ZNF254: variants seen among roughly 807,000 people sequenced by gnomAD.
ZNF254 encodes CTD-2017D11.1.
Under a neutral mutation model 12.4 loss-of-function variants are expected in ZNF254, and 10 were observed. That is an observed-to-expected ratio of 0.80 (90% CI 0.50 to 1.36). ZNF254 has a LOEUF of 1.36. ZNF254 is among the 40% of genes most tolerant of loss of function. ZNF254 has a pLI of 0.00. For missense variants in ZNF254, 996 were observed against 763.9 expected (o/e 1.30, Z -3.58); for synonymous variants, 305 against 253.4 (o/e 1.20, Z -1.93).
chr19:24,109,480 GT>G (rs1454217734), intron 3 of ZNF254, among the ~76,000 whole-genome samples: 9 of 151,928 alleles, frequency 5.9e-5, no homozygotes, highest in Non-Finnish European at 1.0e-4. Flanking sequence ...CTTAATATCA[GT>G]TTATTGTGTC....
At chr19:24,062,328 A>G (rs1440114560) in intron 2 of ZNF254, among the ~76,000 whole-genome samples, 1 of 152,154 alleles carries the variant, frequency 6.6e-6, no homozygotes, top group Non-Finnish European at 1.5e-5. Context: ...TGAGGTCATA[A>G]TTCTCATGGA....
In ZNF254 at chr19:24,037,550, T is replaced by C. The variant is rs1970011790; in HGVS notation, c.-190+3929T>C. 2.0e-5 allele frequency among the ~76,000 whole-genome samples: 3 copies of C among 152,152 alleles called. No homozygotes were observed. In the South Asian group the frequency reaches 6.2e-4, roughly 31 times the overall value. ...CTGGGCTCAAGCAGTTCTCCTGCCT[T>C]ATCCTCCCAAGTAGCTGAGATAACA... On this transcript the variant is annotated intron_variant, in intron 1 of 4. Coordinates refer to the ZNF254 transcript ENST00000613065.
At chr19:24,109,359 AC>A (rs1973525935) in intron 3 of ZNF254, among the ~76,000 whole-genome samples, 1 of 152,184 alleles carries the variant, frequency 6.6e-6, no homozygotes, top group Non-Finnish European at 1.5e-5. Flanking sequence ...AGTTATCTAG[AC>A]AAATTGTTTG....
At chr19:24,088,432 G>T (rs1196300914) in intron 1 of ZNF254, among the ~76,000 whole-genome samples, 1 of 151,768 alleles carries the variant, frequency 6.6e-6, no homozygotes, top group Non-Finnish European at 1.5e-5. Context: ...CTCCACAGGG[G>T]ACTGCTTTTT....
At chr19:24,071,733 G>T (rs1024063320) in intron 2 of ZNF254, among the ~76,000 whole-genome samples, 7 of 152,120 alleles carry the variant, frequency 4.6e-5, no homozygotes, top group Admixed American at 4.6e-4. Context: ...CTCTGCCCAA[G>T]GAGGGATTGT....
rs1974985951 is a variant in ZNF254 at position 24,127,651 on chromosome 19, T to C, written c.1651T>C (p.Cys551Arg). The C allele has an allele frequency of 6.2e-7, 1 of 1,613,508 alleles. No individual in the cohort carries two copies. Among genetic ancestry groups the C allele is most frequent in the South Asian group, 1.1e-5 (1 of 91,060 alleles). The change falls in exon 4 of 4, where the codon TGT becomes CGT. Residue 551 changes from cysteine to arginine, a missense_variant. Physicochemically the swap from Cys to Arg is radical, Grantham distance 180 (BLOSUM62 -3). Coordinates refer to ENST00000357002, the MANE Select transcript of ZNF254 (RefSeq NM_203282.4). ...AGAGAAACCCTACAAATGTGAAAAA[T>C]GTGGCAAAGCCTTTAAGCAGTCTTC... ...TEEKPYKCEK[C>R]GKAFKQSSIL...
chr19:24,112,885 A>C (rs1599736012), intron 3 of ZNF254, among the ~76,000 whole-genome samples: 2 of 152,360 alleles, frequency 1.3e-5, no homozygotes, highest in East Asian at 3.9e-4. Context: ...AAGTACCATC[A>C]GAGAATACTA....
chr19:24,090,573 A>T (rs1972312944), intron 1 of ZNF254, among the ~76,000 whole-genome samples: 1 of 152,078 alleles, frequency 6.6e-6, no homozygotes, highest in South Asian at 2.1e-4. Context: ...AGTAGCTGGG[A>T]CTACAGGTGT....
chr19:24,052,619 ACT>A (rs760003372), intron 2 of ZNF254, among the ~76,000 whole-genome samples: 18 of 152,148 alleles, frequency 1.2e-4, no homozygotes, highest in Non-Finnish European at 1.8e-4. Flanking sequence ...AGGTGATGTG[ACT>A]CTGCTGACTA....
chr19:24,094,475 G>T (rs1454743990), intron 1 of ZNF254, among the ~76,000 whole-genome samples: 1 of 152,018 alleles, frequency 6.6e-6, no homozygotes, highest in Non-Finnish European at 1.5e-5. Flanking sequence ...TGGCCAGGCT[G>T]GTCTCGAACT....
chr19:24,064,198 A>G (rs919669187), intron 2 of ZNF254, among the ~76,000 whole-genome samples: 5 of 152,038 alleles, frequency 3.3e-5, no homozygotes, highest in Non-Finnish European at 1.5e-5. Context: ...ACTCTTTCTC[A>G]TTCTTGGCCT....
At chr19:24,062,724 A>G (rs1308026731) in intron 2 of ZNF254, among the ~76,000 whole-genome samples, 2 of 152,112 alleles carry the variant, frequency 1.3e-5, no homozygotes, top group South Asian at 2.1e-4. Context: ...TCATTTGTGG[A>G]TTTTTGTCCA....
At chr19:24,038,057 T>A (rs1299078952) in intron 1 of ZNF254, among the ~76,000 whole-genome samples, 1 of 152,232 alleles carries the variant, frequency 6.6e-6, no homozygotes, top group East Asian at 1.9e-4. Context: ...AGAAAACTTT[T>A]ATATAATTCT....
intron 2 of ZNF254, chr19:24,065,707 T>G (rs1971245884): frequency 6.6e-6 from 1 of 152,216 alleles, no homozygotes. Flanking sequence ...TCCCTTTTTT[T>G]GTGGGAGGGA....
intron 2 of ZNF254, among the ~76,000 whole-genome samples, chr19:24,052,631 A>G (rs68139049): frequency 0.15 from 22,591 of 152,092 alleles, 1,939 homozygotes; most frequent in Middle Eastern, 0.23. Flanking sequence ...TCTGCTGACT[A>G]TATTCTGCTT....
Position 24,043,141 on chromosome 19 carries a change from A to G in ZNF254, c.-189-3043A>G, listed in dbSNP as rs150817767. On this transcript the variant is annotated intron_variant, in intron 1 of 4. Transcript: ENST00000613065. ...GTTTTGTAGGTTTTTATTTTATTTCATCTTTATTTTACAAGCATACATTTC... is the reference window on the plus strand; with the variant it reads ...GTTTTGTAGGTTTTTATTTTATTTCGTCTTTATTTTACAAGCATACATTTC... Among the ~76,000 whole-genome samples the G allele has an allele frequency of 2.9e-3, 447 of 152,146 alleles. 1 individual carries two copies. The highest frequency in any genetic ancestry group is 0.01 in the African/African-American group (432 of 41,512).
chr19:24,056,068 AT>A (rs1207870993), intron 2 of ZNF254, among the ~76,000 whole-genome samples: 1 of 152,096 alleles, frequency 6.6e-6, no homozygotes, highest in East Asian at 1.9e-4. Flanking sequence ...AGGGGATGTG[AT>A]TCTATTTTTC....
Position 24,087,346 on chromosome 19 carries a change from G to T in ZNF254, c.30+9G>T. 6.2e-7 allele frequency: 1 copy of T among 1,613,500 alleles called. No individual in the cohort carries two copies. The highest frequency in any genetic ancestry group is 1.1e-5 in the South Asian group (1 of 91,076). ...CTAGAAGCCTAGAAATGGTGAGAAT[G>T]CCAGTCCGACATCCCGAGAGAGGGG... On this transcript the variant is annotated intron_variant, in intron 1 of 3. Transcript: ENST00000357002.
chr19:24,107,023 TGA>T lies in ZNF254; in HGVS notation c.253+384_253+385del. The T allele has an allele frequency of 8.7e-6, 4 of 460,292 alleles. 1 individual carries two copies. Among genetic ancestry groups the T allele is most frequent in the Non-Finnish European group, 1.1e-5 (3 of 263,712 alleles). 28.5% of individuals were successfully genotyped at this position (460,292 alleles called of 1,614,324 possible). ...CTTTTTGCATCATGTCTGAAATGTG[TGA>T]GAGTAGTAGTTTCTGTTATATTGGG... On this transcript the variant is annotated intron_variant, in intron 3 of 3. Coordinates refer to ENST00000357002, the MANE Select transcript of ZNF254 (RefSeq NM_203282.4).
Sources: allele counts gnomAD v4.1 joint callset (sites outside exome capture counted in the v4.1 genomes callset), GRCh38; gene constraint gnomAD v4.1.1; transcripts MANE v1.5; gene names NCBI Gene and HGNC (gene_info 2026-07-23, HGNC 2026-07-21).